The following DOCK6 variants were observed in gnomAD, a reference collection of about 807,000 sequenced individuals.
DOCK6 encodes dedicator of cytokinesis 6.
Under a neutral mutation model 230.3 loss-of-function variants are expected in DOCK6, and 167 were observed. The ratio of observed to expected loss-of-function variants is 0.73; its 90% CI spans 0.64 to 0.82. DOCK6 has a LOEUF of 0.82. Ranked by LOEUF, DOCK6 falls within the 40% of genes least tolerant of loss-of-function variation. DOCK6 has a pLI of 0.00. For synonymous variants in DOCK6, 1,148 were observed against 1,185.0 expected (o/e 0.97, Z 0.64); for missense variants, 2,598 against 2,825.8 (o/e 0.92, Z 1.83).
At chr19:11,216,743 T>C in intron 30 of DOCK6, 171 bp downstream of exon 30, 1 of 695,570 alleles carries the variant, frequency 1.4e-6, no homozygotes, top group South Asian at 1.9e-5. Flanking sequence ...AAGGCACTTC[T>C]GACTTTATTC....
At chr19:11,240,361 C>A in intron 14 of DOCK6, 2 of 1,447,538 alleles carry the variant, frequency 1.4e-6, no homozygotes, top group Non-Finnish European at 1.8e-6. Flanking sequence ...CGCTTCTGCA[C>A]CTTGAGTCCC....
rs759885929 is a variant in DOCK6 at position 11,202,625 on chromosome 19, GCTC to G, written c.5317_5319del (p.Glu1773del). 1 of 1,614,010 alleles carries G rather than the reference GCTC, an allele frequency of 6.2e-7. No homozygotes were observed. Among genetic ancestry groups the G allele is most frequent in the Non-Finnish European group, 8.5e-7 (1 of 1,179,902 alleles). ...ATCTCTGCCAGCTTCGTGATCGATG[GCTC>G]CTTGTACACAAACTCCTGCTCATCC... is the stretch of plus-strand genomic sequence containing the variant. On this transcript the variant is annotated inframe_deletion, in exon 42 of 48. Coordinates refer to ENST00000294618, the MANE Select transcript of DOCK6 (RefSeq NM_020812.4). The surrounding 1 kb of genome is among the most constrained non-coding windows in gnomAD (Gnocchi z 5.3).
chr19:11,252,765 G>A lies in DOCK6; in HGVS notation c.308+18C>T, dbSNP rs1444617078. The stretch of plus-strand genomic sequence containing the variant: ...CAGAGTGGAATCACAGGCAGAGAGG[G>A]CGTGGGGCTGAACCCACTCATCCTT... On this transcript the variant is annotated intron_variant, in intron 3 of 47. Coordinates refer to ENST00000294618, the MANE Select transcript of DOCK6 (RefSeq NM_020812.4). 2 of 1,601,812 alleles carry A rather than the reference G, an allele frequency of 1.2e-6. No homozygotes were observed. The highest frequency in any genetic ancestry group is 2.7e-5 in the African/African-American group (2 of 74,736).
At chr19:11,231,715 G>C (rs1599247670) in intron 22 of DOCK6, among the ~76,000 whole-genome samples, 1 of 152,178 alleles carries the variant, frequency 6.6e-6, no homozygotes, top group East Asian at 1.9e-4. Context: ...GCAGAGCTAG[G>C]ACTTGAACCC....
intron 14 of DOCK6, among the ~76,000 whole-genome samples, chr19:11,241,105 G>A (rs2079936556): frequency 6.6e-6 from 1 of 151,928 alleles, no homozygotes; most frequent in African/African-American, 2.4e-5. Context: ...AATTAGCTGG[G>A]CGTGGTGGCA....
In DOCK6 at chr19:11,252,174, C is replaced by A. The variant is rs374746195; in HGVS notation, c.452G>T (p.Arg151Leu). The change falls in exon 5 of 48, where the codon CGC (arginine) becomes CTC (leucine). Residue 151 changes from arginine to leucine, a missense_variant. Coordinates refer to ENST00000294618, the MANE Select transcript of DOCK6 (RefSeq NM_020812.4). ...AGAAGCATCCTGCTCAAAGACCTGG[C>A]GGGGGAGGCCCTTCTGTCGCTCCCG... ...TQRERQKGLPRQVFEQDASGD... is the reference protein window; with the variant it reads ...TQRERQKGLPLQVFEQDASGD... The A allele has an allele frequency of 1.0e-5, 16 of 1,584,230 alleles. No homozygotes were observed. The East Asian group carries it at 2.8e-4, about 27-fold the overall frequency.
In DOCK6 at chr19:11,202,814, C is replaced by T. The variant is rs781402184; in HGVS notation, c.5236-105G>A. 186 of 1,576,622 alleles carry T rather than the reference C, an allele frequency of 1.2e-4. No homozygotes were observed. The highest frequency in any genetic ancestry group is 1.4e-4 in the Non-Finnish European group (159 of 1,161,534). On this transcript the variant is annotated intron_variant, in intron 41 of 47. Coordinates refer to ENST00000294618, the MANE Select transcript of DOCK6 (RefSeq NM_020812.4). The surrounding 1 kb of genome is among the most constrained non-coding windows in gnomAD (Gnocchi z 5.3). ...TATCAGGATGGGAGTGTGAGGACCC[C>T]GAGAACATCAGGGCATGGGCACAGG...
chr19:11,200,408 G>C lies in DOCK6; in HGVS notation c.6001C>G (p.Arg2001Gly), dbSNP rs772839281. 15 of 1,610,048 alleles carry C rather than the reference G, an allele frequency of 9.3e-6. No homozygotes were observed. Among genetic ancestry groups the C allele is most frequent in the Non-Finnish European group, 1.3e-5 (15 of 1,178,398 alleles). ...CGGCAGTAGTTGCGCTCCAGCTCACGGTGGTACTCCTTCTGGTCCGGCCCA... is the reference window on the plus strand; with the variant it reads ...CGGCAGTAGTTGCGCTCCAGCTCACCGTGGTACTCCTTCTGGTCCGGCCCA... Reference protein sequence around the residue: ...LIGPDQKEYHRELERNYCRLR... With the variant: ...LIGPDQKEYHGELERNYCRLR... The change falls in exon 47 of 48, where the codon CGT (arginine) becomes GGT (glycine). Residue 2001 changes from arginine (R) to glycine (G), a missense_variant. By Grantham distance (125) the Arg-to-Gly change is moderately radical. Coordinates refer to ENST00000294618, the MANE Select transcript of DOCK6 (RefSeq NM_020812.4). This position sits in a 1 kb window ranked among gnomAD's most constrained non-coding sequence, Gnocchi z 4.3.
At chr19:11,220,257 A>G (rs1845914029) in intron 28 of DOCK6, among the ~76,000 whole-genome samples, 1 of 152,138 alleles carries the variant, frequency 6.6e-6, no homozygotes, top group South Asian at 2.1e-4. Flanking sequence ...GCCCAGCCCA[A>G]AAGCTACAAT....
At chr19:11,261,344 C>T (rs1357361244) in intron 1 of DOCK6, among the ~76,000 whole-genome samples, 1 of 151,972 alleles carries the variant, frequency 6.6e-6, no homozygotes, top group Non-Finnish European at 1.5e-5. Flanking sequence ...AAGCAGCCCC[C>T]ACCCTCCCAT....
At chr19:11,214,798 A>G in intron 32 of DOCK6, 149 bp from the exon 33 acceptor site, 2 of 698,554 alleles carry the variant, frequency 2.9e-6, no homozygotes, top group Non-Finnish European at 4.8e-6. Context: ...TTTCTGAGAC[A>G]GGGTCTTGCT....
chr19:11,202,814 C>A lies in DOCK6; in HGVS notation c.5236-105G>T. The A allele has an allele frequency of 6.3e-7, 1 of 1,576,742 alleles. No homozygotes were observed. Among genetic ancestry groups the A allele is most frequent in the Non-Finnish European group, 8.6e-7 (1 of 1,161,526 alleles). On this transcript the variant is annotated intron_variant, in intron 41 of 47. Transcript: ENST00000294618. The surrounding 1 kb of genome is among the most constrained non-coding windows in gnomAD (Gnocchi z 5.3). ...TATCAGGATGGGAGTGTGAGGACCC[C>A]GAGAACATCAGGGCATGGGCACAGG... is the stretch of plus-strand genomic sequence containing the variant.
chr19:11,260,700 T>C (rs563702425), intron 1 of DOCK6, among the ~76,000 whole-genome samples: 7 of 150,652 alleles, frequency 4.6e-5, no homozygotes, highest in Non-Finnish European at 8.9e-5. Flanking sequence ...CTGGTCAACA[T>C]GGTGAAACCC....
chr19:11,253,763 A>G, intron 1 of DOCK6, 37 bp from the exon 2 acceptor site: 3 of 1,371,578 alleles, frequency 2.2e-6, no homozygotes, highest in Non-Finnish European at 2.9e-6. Flanking sequence ...GGGACGGGAA[A>G]ACTCAGGCAG....
chr19:11,251,032 C>A lies in DOCK6; in HGVS notation c.562G>T (p.Ala188Ser). ...TTCCTCAGGTCGAAGATGCTAGAGG[C>A]ACCACTGCTTCGAGGGGTGTCTTCC... Reference protein sequence around the residue: ...SPEDTPRSSGASSIFDLRNLA... With the variant: ...SPEDTPRSSGSSSIFDLRNLA... Residue 188 changes from alanine (A) to serine (S), a missense_variant, in exon 6 of 48, where the codon GCC becomes TCC. Transcript: ENST00000294618. The A allele has an allele frequency of 6.2e-7, 1 of 1,613,650 alleles. No homozygotes were observed. Among genetic ancestry groups the A allele is most frequent in the South Asian group, 1.1e-5 (1 of 91,010 alleles).
At chr19:11,241,677 T>G (rs917005441) in intron 14 of DOCK6, 2 of 1,583,344 alleles carry the variant, frequency 1.3e-6, no homozygotes, top group Non-Finnish European at 1.7e-6. Flanking sequence ...ACAGCGGCGC[T>G]CCCAGCCTGA....
Position 11,204,331 on chromosome 19 carries a change from C to G in DOCK6, c.5089G>C (p.Gly1697Arg). The G allele has an allele frequency of 6.2e-7, 1 of 1,611,192 alleles. No individual in the cohort carries two copies. Among genetic ancestry groups the G allele is most frequent in the East Asian group, 2.2e-5 (1 of 44,798 alleles). ...LEQAAGYFTMGGLYEAVNEVY... is the reference protein window; with the variant it reads ...LEQAAGYFTMRGLYEAVNEVY... ...TCATTCACCGCCTCGTAGAGCCCGCCCTGAGGGTGAGGTGGGGTCAGGATT... is the reference window on the plus strand; with the variant it reads ...TCATTCACCGCCTCGTAGAGCCCGCGCTGAGGGTGAGGTGGGGTCAGGATT... The change falls in exon 40 of 48, where the codon GGC (glycine) becomes CGC (arginine). Residue 1697 changes from glycine to arginine, a missense_variant and splice_region_variant. Physicochemically the swap from Gly to Arg is moderately radical, Grantham distance 125. Coordinates refer to ENST00000294618, the MANE Select transcript of DOCK6 (RefSeq NM_020812.4).
At position 11,222,831 on chromosome 19, in the gene DOCK6, C is replaced by G; in HGVS notation, c.3144G>C (p.Leu1048=). 2 of 1,599,792 alleles carry G rather than the reference C, an allele frequency of 1.3e-6. No individual in the cohort carries two copies. The highest frequency in any genetic ancestry group is 1.3e-5 in the African/African-American group (1 of 74,842). Residue 1048 remains leucine (L), a synonymous_variant, in exon 26 of 48, where the codon CTG becomes CTC. Transcript: ENST00000294618. The surrounding 1 kb of genome is among the most constrained non-coding windows in gnomAD (Gnocchi z 4.0). ...LTLRMEFTRI[L]CSHEHYVTLN... ...GGGTCACGTAGTGCTCGTGGCTGCA[C>G]AGGATGCGGGTGAATTCCATGCGCA...
At position 11,262,425 on chromosome 19, in the gene DOCK6, G is replaced by T; in HGVS notation, c.16C>A (p.Arg6Ser). The part of the protein sequence containing the change: MAASE[R>S]RAFAHKINRT... ...TTGATCTTGTGCGCGAAGGCGCGGC[G>T]CTCGGAGGCAGCCATGGTCCTCGCG... Residue 6 changes from arginine (R) to serine (S), a missense_variant, in exon 1 of 48, where the codon CGC becomes AGC. Physicochemically the swap from Arg to Ser is moderately radical, Grantham distance 110. Transcript: ENST00000294618. The T allele has an allele frequency of 7.9e-7, 1 of 1,258,908 alleles. No individual in the cohort carries two copies. Among genetic ancestry groups the T allele is most frequent in the Non-Finnish European group, 1.0e-6 (1 of 1,001,118 alleles). The allele number at this position is 1,258,908 out of a possible 1,614,324, so 78.0% of individuals were successfully genotyped here. A position where few individuals can be genotyped will look rare whatever the true frequency, so the allele number is the denominator to read the frequency against.
Sources: gnomAD v4.1 joint callset for allele counts (sites outside exome capture counted in the v4.1 genomes callset) on GRCh38, gnomAD v4.1.1 for gene constraint, Gnocchi (gnomAD v3.1) non-coding constraint, MANE v1.5 for transcripts, NCBI Gene and HGNC (gene_info 2026-07-23, HGNC 2026-07-21) for gene names.